KDR: variants seen among roughly 807,000 people sequenced by gnomAD.
KDR encodes kinase insert domain receptor.
Under a neutral mutation model 160.9 loss-of-function variants are expected in KDR, and 43 were observed. The ratio of observed to expected loss-of-function variants is 0.27; its 90% confidence interval spans 0.21 to 0.34. KDR has a LOEUF of 0.34. KDR is among the 10% of genes least tolerant of loss of function. KDR has a pLI of 1.00. For synonymous variants in KDR, 617 were observed against 600.1 expected, an observed-to-expected ratio of 1.03 and a Z score of -0.41; for missense variants, 1,469 against 1,666.4, an observed-to-expected ratio of 0.88 and a Z score of 2.06.
At position 55,110,564 on chromosome 4, in the gene KDR, T is replaced by C; in HGVS notation, c.1094A>G (p.Tyr365Cys). The C allele has an allele frequency of 3.1e-6, 5 of 1,613,918 alleles. No homozygotes were observed. Among genetic ancestry groups the C allele is most frequent in the East Asian group, 2.2e-5 (1 of 44,862 alleles). Residue 365 changes from tyrosine to cysteine, a missense_variant and splice_region_variant, in exon 9 of 30, where the codon TAT becomes TGT. Transcript: ENST00000263923. ...GGACTCAAGGGGTATTCCATTTTTATACCTATGAAAAAAAATTCTCAGGAA... is the reference window on the plus strand; with the variant it reads ...GGACTCAAGGGGTATTCCATTTTTACACCTATGAAAAAAAATTCTCAGGAA... Reference protein sequence around the residue: ...LGYPPPEIKWYKNGIPLESNH... With the variant: ...LGYPPPEIKWCKNGIPLESNH...
At chr4:55,121,425 G>C (rs1720870537) in intron 1 of KDR, among the ~76,000 whole-genome samples, 1 of 152,198 alleles carries the variant, frequency 6.6e-6, no homozygotes, top group Admixed American at 6.5e-5. Context: ...CATGGAGCTA[G>C]GGTGGAGTTC....
At chr4:55,096,402 GTCCC>G in intron 18 of KDR, 60 bp from the exon 19 acceptor site, 1 of 1,241,102 alleles carries the variant, frequency 8.1e-7, no homozygotes. Flanking sequence ...AATAATTGGG[GTCCC>G]TCCCTCCCTG....
intron 26 of KDR, among the ~76,000 whole-genome samples, chr4:55,088,579 C>G (rs1408697175): frequency 1.3e-5 from 2 of 152,094 alleles, no homozygotes; most frequent in African/African-American, 2.4e-5. Context: ...TGTGGATCAA[C>G]CAGATTTTTT....
intron 29 of KDR, among the ~76,000 whole-genome samples, chr4:55,081,583 C>T (rs1234713433): frequency 1.3e-5 from 2 of 151,952 alleles, no homozygotes; most frequent in Non-Finnish European, 2.9e-5. Context: ...ACAGATGCAC[C>T]CATTTGTATA....
At chr4:55,103,007 T>C (rs1720353724) in intron 13 of KDR, among the ~76,000 whole-genome samples, 1 of 152,244 alleles carries the variant, frequency 6.6e-6, no homozygotes, top group South Asian at 2.1e-4. Flanking sequence ...CTGTTAGCGT[T>C]ATCTCACAGA....
intron 5 of KDR, among the ~76,000 whole-genome samples, chr4:55,114,517 G>A (rs897146966): frequency 6.6e-6 from 1 of 152,156 alleles, no homozygotes; most frequent in Non-Finnish European, 1.5e-5. Flanking sequence ...AGTAGCCCTA[G>A]GCCAGTAGGG....
At chr4:55,086,610 T>C (rs10000926) in intron 27 of KDR, among the ~76,000 whole-genome samples, 148,787 of 152,350 alleles carry the variant, frequency 0.98, 72,741 homozygotes, top group East Asian at 1. Flanking sequence ...TCTTTAAAAA[T>C]ATGCCTAATG....
At chr4:55,098,896 A>C (rs989819671) in intron 15 of KDR, 93 bp from the exon 16 acceptor site, 61 of 900,616 alleles carry the variant, frequency 6.8e-5, no homozygotes, top group Non-Finnish European at 1.0e-4. Flanking sequence ...CAAAATCCCA[A>C]GCTTACCAAC....
chr4:55,081,726 T>C (rs1276160132), intron 29 of KDR, among the ~76,000 whole-genome samples: 1 of 152,252 alleles, frequency 6.6e-6, no homozygotes, highest in Non-Finnish European at 1.5e-5. Context: ...CTAGTATTCA[T>C]GAATTCTCAT....
intron 27 of KDR, 145 bp downstream of exon 27, chr4:55,087,462 C>A: frequency 1.4e-6 from 1 of 700,762 alleles, no homozygotes; most frequent in Non-Finnish European, 2.4e-6. Flanking sequence ...CAGGAGCATT[C>A]CCCATTATGT....
intron 22 of KDR, among the ~76,000 whole-genome samples, chr4:55,091,289 A>G (rs2110012749): frequency 6.6e-6 from 1 of 152,348 alleles, no homozygotes; most frequent in Middle Eastern, 3.4e-3. Context: ...ACAATTGAGC[A>G]ACACTGGCAA....
chr4:55,090,436 G>A (rs976741660), intron 22 of KDR, among the ~76,000 whole-genome samples: 10 of 152,148 alleles, frequency 6.6e-5, no homozygotes, highest in African/African-American at 2.2e-4. Flanking sequence ...AAGGAGGTCC[G>A]AGAACGGGAT....
chr4:55,078,883 G>T lies in KDR; in HGVS notation c.*1058C>A. 4.3e-6 allele frequency: 1 copy of T among 233,226 alleles called. No homozygotes were observed. Among genetic ancestry groups the T allele is most frequent in the Non-Finnish European group, 8.5e-6 (1 of 118,040 alleles). The allele number at this position is 233,226 out of a possible 1,614,324, so 14.4% of individuals were successfully genotyped here. ...TGAACAAACCCAATCAGGTTTACTG[G>T]AGTAGAGGCCAAATAACTAAAATAC... is the stretch of plus-strand genomic sequence containing the variant. On this transcript the variant is annotated 3_prime_UTR_variant, in exon 30 of 30. Transcript: ENST00000263923.
At chr4:55,124,878 C>G (rs960336744) in intron 1 of KDR, among the ~76,000 whole-genome samples, 3 of 152,214 alleles carry the variant, frequency 2.0e-5, no homozygotes, top group African/African-American at 7.2e-5. Context: ...ACCGCCTGTT[C>G]TCGCCTGCGG....
Position 55,121,025 on chromosome 4 carries a change from T to G in KDR, c.161+72A>C, listed in dbSNP as rs1192893257. ...AAGCTCTATTATAATTCTGCTCTAC[T>G]GGAAATTATTTCCACTCAATAAACA... is the stretch of plus-strand genomic sequence containing the variant. On this transcript the variant is annotated intron_variant, in intron 2 of 29. Coordinates refer to ENST00000263923, the MANE Select transcript of KDR (RefSeq NM_002253.4). 8.5e-6 allele frequency: 9 copies of G among 1,060,226 alleles called. No individual in the cohort carries two copies. In the African/African-American group the frequency reaches 9.4e-5, roughly 11 times the overall value. 65.7% of individuals were successfully genotyped at this position (1,060,226 alleles called of 1,614,324 possible). A position where few individuals can be genotyped will look rare whatever the true frequency, so the allele number is the denominator to read the frequency against.
chr4:55,117,342 C>T (rs1303175442), intron 3 of KDR, among the ~76,000 whole-genome samples: 1 of 152,104 alleles, frequency 6.6e-6, no homozygotes, highest in Admixed American at 6.5e-5. Context: ...AGGCTGAAAG[C>T]AGGAAATCCT....
intron 3 of KDR, among the ~76,000 whole-genome samples, chr4:55,116,681 A>G (rs1281564978): frequency 1.3e-5 from 2 of 152,188 alleles, no homozygotes; most frequent in Non-Finnish European, 2.9e-5. Flanking sequence ...TCCCTGCAAC[A>G]GCAGAAGTTT....
In KDR at chr4:55,097,644, A is replaced by G. The variant is rs756513624; in HGVS notation, c.2614+18T>C. On this transcript the variant is annotated intron_variant, in intron 18 of 29. Transcript: ENST00000263923. Reference sequence around the variant, plus strand: ...AGATAAAACAGAAAGATAGATCACCACATAATTTTGCTTTTACCTTTCAAC... The same window carrying G: ...AGATAAAACAGAAAGATAGATCACCGCATAATTTTGCTTTTACCTTTCAAC... 6.8e-7 allele frequency: 1 copy of G among 1,463,998 alleles called. No homozygotes were observed. Among genetic ancestry groups the G allele is most frequent in the South Asian group, 1.1e-5 (1 of 87,902 alleles). The allele number at this position is 1,463,998 out of a possible 1,614,324, so 90.7% of individuals were successfully genotyped here.
rs897870174 is a variant in KDR, at chr4:55,078,814, G to A, written c.*1127C>T. ...TAATACAATAGATGTTATAATTTGG[G>A]CTATAAAATAATTTTGAAGTCTGGC... On this transcript the variant is annotated 3_prime_UTR_variant, in exon 30 of 30. Coordinates refer to ENST00000263923, the MANE Select transcript of KDR (RefSeq NM_002253.4). The A allele has an allele frequency of 4.3e-6, 1 of 232,874 alleles. No individual in the cohort carries two copies. The highest frequency in any genetic ancestry group is 6.0e-5 in the East Asian group (1 of 16,536). The allele number at this position is 232,874 out of a possible 1,614,324, so 14.4% of individuals were successfully genotyped here.
Sources: gnomAD v4.1 joint callset for allele counts (sites outside exome capture counted in the v4.1 genomes callset) on GRCh38, gnomAD v4.1.1 for gene constraint, MANE v1.5 for transcripts, NCBI Gene and HGNC (gene_info 2026-07-23, HGNC 2026-07-21) for gene names.